The following TDRP variants were observed in gnomAD, a reference collection of about 807,000 sequenced individuals.
The protein encoded by TDRP is testis development-related protein.
A neutral mutation model predicts 10.5 loss-of-function variants in TDRP; 12 were observed. That is an observed-to-expected ratio of 1.15 (90% CI 0.73 to 1.86). The LOEUF is 1.86. Among genes scored for constraint, TDRP ranks in the 40% most tolerant of loss-of-function variants. The pLI, the probability that TDRP is intolerant of heterozygous loss-of-function variation, is 0.00. For missense variants in TDRP, 353 were observed against 229.2 expected (o/e 1.54, Z -3.49); for synonymous variants, 139 against 95.4 (o/e 1.46, Z -2.67).
At chr8:542,205 A>C (rs563200297) in intron 1 of TDRP, among the ~76,000 whole-genome samples, 47 of 152,322 alleles carry the variant, frequency 3.1e-4, no homozygotes, top group African/African-American at 8.2e-4. Context: ...ATTCTGGAAA[A>C]CTATGGCGAC....
Position 544,716 on chromosome 8 carries a change from G to A in TDRP, c.42C>T (p.Pro14=), listed in dbSNP as rs1802590334. 8.0e-7 allele frequency: 1 copy of A among 1,245,506 alleles called. No individual in the cohort carries two copies. The highest frequency in any genetic ancestry group is 1.0e-6 in the Non-Finnish European group (1 of 994,918). 77.2% of individuals were successfully genotyped at this position (1,245,506 alleles called of 1,614,324 possible). ...LGRGRVLLDE[P]PEEEDGLRGG... ...CACGCAGGCCGTCCTCCTCCTCGGG[G>A]GGCTCGTCCAGCAGCACTCGGCCCC... Residue 14 remains proline, a synonymous_variant, in exon 1 of 3, where the codon CCC becomes CCT. Coordinates refer to ENST00000324079, the MANE Select transcript of TDRP (RefSeq NM_001384899.1).
chr8:533,104 C>T (rs757900674), intron 1 of TDRP, among the ~76,000 whole-genome samples: 11 of 152,186 alleles, frequency 7.2e-5, no homozygotes, highest in Non-Finnish European at 1.6e-4. Flanking sequence ...TTTCTAGCAC[C>T]ATGCTGTCTC....
intron 1 of TDRP, among the ~76,000 whole-genome samples, chr8:529,529 T>G (rs1802127993): frequency 6.6e-6 from 1 of 152,050 alleles, no homozygotes; most frequent in Non-Finnish European, 1.5e-5. Flanking sequence ...AAGAATCTCT[T>G]TAGCATTTCT....
intron 1 of TDRP, among the ~76,000 whole-genome samples, chr8:500,770 C>T (rs1180616567): frequency 6.6e-6 from 1 of 152,206 alleles, no homozygotes; most frequent in Non-Finnish European, 1.5e-5. Context: ...CTCCCTGCAA[C>T]TCTGGGTCCT....
intron 1 of TDRP, among the ~76,000 whole-genome samples, chr8:516,381 T>C (rs1801758102): frequency 6.6e-6 from 1 of 152,236 alleles, no homozygotes; most frequent in Admixed American, 6.5e-5. Context: ...TAAAGGATTG[T>C]TGTCCAAAAT....
intron 1 of TDRP, among the ~76,000 whole-genome samples, chr8:529,728 A>G (rs1802136147): frequency 6.6e-6 from 1 of 152,168 alleles, no homozygotes; most frequent in Admixed American, 6.5e-5. Flanking sequence ...TCTGCTGACA[A>G]ATCTGCTGAT....
intron 1 of TDRP, among the ~76,000 whole-genome samples, chr8:535,443 T>C (rs1333778240): frequency 6.6e-6 from 1 of 151,814 alleles, no homozygotes; most frequent in African/African-American, 2.4e-5. Context: ...AAAACGAACA[T>C]AAAACGACCT....
intron 1 of TDRP, among the ~76,000 whole-genome samples, chr8:543,370 AT>A (rs1320213202): frequency 6.6e-6 from 1 of 152,194 alleles, no homozygotes; most frequent in African/African-American, 2.4e-5. Context: ...ATTAGGAAAA[AT>A]GGGAGAACAT....
At chr8:522,872 G>T (rs1255690796) in intron 1 of TDRP, among the ~76,000 whole-genome samples, 1 of 152,146 alleles carries the variant, frequency 6.6e-6, no homozygotes, top group African/African-American at 2.4e-5. Context: ...AATATCTCTT[G>T]CATGGAATCT....
intron 1 of TDRP, among the ~76,000 whole-genome samples, chr8:506,274 A>G (rs1023298877): frequency 3.3e-5 from 5 of 152,236 alleles, no homozygotes; most frequent in Non-Finnish European, 7.3e-5. Context: ...ATTTGGTACA[A>G]AAGATGAGCA....
intron 1 of TDRP, among the ~76,000 whole-genome samples, chr8:527,802 C>G (rs192168705): frequency 7.2e-5 from 11 of 152,172 alleles, no homozygotes; most frequent in Non-Finnish European, 1.5e-4. Context: ...CCTCACACTA[C>G]GAAACTACTA....
rs769164551 is a variant in TDRP, at chr8:492,530, A to T, written c.427T>A (p.Ser143Thr). ...WSGWEDDAKG[S>T]TKYTSLASSA... Reference sequence around the variant, plus strand: ...CTGGCCAGGCTGGTGTACTTGGTCGAGCCCTTGGCGTCATCCTCCCAGCCT... The same window carrying T: ...CTGGCCAGGCTGGTGTACTTGGTCGTGCCCTTGGCGTCATCCTCCCAGCCT... Residue 143 changes from serine to threonine, a missense_variant, in exon 3 of 3, where the codon TCG (serine) becomes ACG (threonine). Transcript: ENST00000324079. 2 of 1,611,016 alleles carry T rather than the reference A, an allele frequency of 1.2e-6. No homozygotes were observed. Among genetic ancestry groups the T allele is most frequent in the African/African-American group, 2.7e-5 (2 of 74,904 alleles).
At chr8:545,369 C>A (rs1488760298), upstream of TDRP, among the ~76,000 whole-genome samples, 1 of 140,622 alleles carries the variant, frequency 7.1e-6, no homozygotes, top group East Asian at 2.2e-4. Flanking sequence ...CCCGAGCCCC[C>A]ACCCGGCCCC....
At chr8:512,340 G>A (rs1179985459) in intron 1 of TDRP, among the ~76,000 whole-genome samples, 7 of 152,092 alleles carry the variant, frequency 4.6e-5, no homozygotes, top group Non-Finnish European at 1.0e-4. Context: ...GGCTGAGACA[G>A]GAGAATCACT....
intron 1 of TDRP, among the ~76,000 whole-genome samples, chr8:535,342 C>T (rs939526070): frequency 2.6e-5 from 4 of 152,026 alleles, no homozygotes; most frequent in African/African-American, 9.7e-5. Flanking sequence ...ACAGCAACCC[C>T]CACAGAACTC....
At chr8:528,316 T>TA (rs1380050152) in intron 1 of TDRP, among the ~76,000 whole-genome samples, 2 of 152,162 alleles carry the variant, frequency 1.3e-5, no homozygotes, top group Non-Finnish European at 2.9e-5. Context: ...GGTGGGAATG[T>TA]AAAATAGTAC....
chr8:517,451 A>G (rs1161099292), intron 1 of TDRP, among the ~76,000 whole-genome samples: 1 of 152,136 alleles, frequency 6.6e-6, no homozygotes, highest in Non-Finnish European at 1.5e-5. Flanking sequence ...TGAAGCCTCT[A>G]CCTGGAAGCT....
intron 1 of TDRP, among the ~76,000 whole-genome samples, chr8:533,802 G>A (rs577866319): frequency 6.6e-6 from 1 of 152,154 alleles, no homozygotes; most frequent in African/African-American, 2.4e-5. Context: ...TATAGGGTAG[G>A]CAGATGTACA....
chr8:521,858 T>C (rs1801914602), intron 1 of TDRP, among the ~76,000 whole-genome samples: 1 of 152,194 alleles, frequency 6.6e-6, no homozygotes, highest in African/African-American at 2.4e-5. Context: ...TTCCAAACCA[T>C]CAACATGGGC....
Sources: gnomAD v4.1 joint callset for allele counts (sites outside exome capture counted in the v4.1 genomes callset) on GRCh38, gnomAD v4.1.1 for gene constraint, MANE v1.5 for transcripts, NCBI Gene and HGNC (gene_info 2026-07-23, HGNC 2026-07-21) for gene names.